The following DACH1 variants were observed in gnomAD, a reference collection of about 807,000 sequenced individuals.
DACH1 encodes the protein dachshund homolog 1.
A neutral mutation model predicts 54.2 loss-of-function variants in DACH1; 12 were observed. The ratio of observed to expected loss-of-function variants is 0.22; its 90% CI spans 0.14 to 0.36. The LOEUF (loss-of-function observed/expected upper bound fraction) is 0.36. Ranked by LOEUF, DACH1 falls within the 10% of genes least tolerant of loss-of-function variation. The pLI is 1.00. For missense variants in DACH1, 805 were observed against 929.8 expected, an observed-to-expected ratio of 0.87 and a Z score of 1.75; for synonymous variants, 386 against 366.2, an observed-to-expected ratio of 1.05 and a Z score of -0.62.
chr13:71,678,233 G>C lies in DACH1; in HGVS notation c.964+3562C>G, dbSNP rs75610888. 3.3e-3 allele frequency among the ~76,000 whole-genome samples: 507 copies of C among 152,264 alleles called. 2 individuals carry two copies. The highest frequency in any genetic ancestry group is 0.012 in the African/African-American group (481 of 41,546). On this transcript the variant is annotated intron_variant, in intron 2 of 10. Coordinates refer to ENST00000613252, the MANE Select transcript of DACH1 (RefSeq NM_080759.6). ...AATACACTAAAGCATTCGGTAGACTGTTGTGGGAGAAAGATGTTATATACT... is the reference window on the plus strand; with the variant it reads ...AATACACTAAAGCATTCGGTAGACTCTTGTGGGAGAAAGATGTTATATACT...
rs769171249 is a variant in DACH1 at position 71,475,771 on chromosome 13, C to A, written c.1949G>T (p.Arg650Leu). 7.7e-5 allele frequency: 125 copies of A among 1,613,566 alleles called. No homozygotes were observed. The Admixed American group carries it at 1.5e-3, about 19-fold the overall frequency. Residue 650 changes from arginine to leucine, a missense_variant, in exon 9 of 11, where the codon CGG becomes CTG. Around this residue, in one of 3 missense-constraint regions of DACH1, gnomAD observed 472 missense variants for 545.3 expected, o/e 0.87. Coordinates refer to ENST00000613252, the MANE Select transcript of DACH1 (RefSeq NM_080759.6). ...TAGCGTCTGTTCTGCTTGTTCACGC[C>A]GTTTCGTCTCAAACTCAAGTGCTTC... ...LQEALEFETK[R>L]REQAEQTLKQ... is the part of the protein sequence containing the mutation.
chr13:71,661,130 T>C (rs930490365), intron 2 of DACH1, among the ~76,000 whole-genome samples: 1 of 151,248 alleles, frequency 6.6e-6, no homozygotes, highest in African/African-American at 2.4e-5. Flanking sequence ...ACAGTAATAC[T>C]AGCTGCTTAA....
intron 2 of DACH1, among the ~76,000 whole-genome samples, chr13:71,643,702 C>T (rs575966840): frequency 6.6e-6 from 1 of 152,136 alleles, no homozygotes; most frequent in African/African-American, 2.4e-5. Context: ...ACCTTTATTG[C>T]CTCAGGCATT....
chr13:71,475,946 G>T, intron 8 of DACH1, 97 bp from the exon 9 acceptor site: 1 of 942,160 alleles, frequency 1.1e-6, no homozygotes, highest in Non-Finnish European at 1.4e-6. Flanking sequence ...TATTCATTTT[G>T]TTTTCCTGCT....
At chr13:71,699,471 G>A (rs182827591) in intron 1 of DACH1, among the ~76,000 whole-genome samples, 8 of 152,298 alleles carry the variant, frequency 5.3e-5, no homozygotes, top group Admixed American at 5.2e-4. Context: ...GAATGACAAA[G>A]AGTAGTATAT....
chr13:71,808,911 A>G (rs568924233), intron 1 of DACH1, among the ~76,000 whole-genome samples: 3 of 152,288 alleles, frequency 2.0e-5, no homozygotes, highest in Non-Finnish European at 2.9e-5. Context: ...AAACCTCACA[A>G]TTAAAAGCTG....
chr13:71,559,329 C>T (rs1884444653), intron 5 of DACH1, among the ~76,000 whole-genome samples: 1 of 152,048 alleles, frequency 6.6e-6, no homozygotes, highest in South Asian at 2.1e-4. Flanking sequence ...AATCCATTGA[C>T]CACCTGAATG....
intron 10 of DACH1, among the ~76,000 whole-genome samples, chr13:71,461,978 T>C (rs780871789): frequency 3.2e-4 from 49 of 151,922 alleles, no homozygotes; most frequent in Non-Finnish European, 6.6e-4. Flanking sequence ...AAGTTAAACA[T>C]AGCACACCTG....
At chr13:71,514,662 T>G (rs1014565098) in intron 6 of DACH1, among the ~76,000 whole-genome samples, 2 of 151,890 alleles carry the variant, frequency 1.3e-5, no homozygotes, top group Admixed American at 6.6e-5. Context: ...CACAAAAACA[T>G]GCATATCCTT....
At chr13:71,533,748 T>C (rs1311437880) in intron 6 of DACH1, among the ~76,000 whole-genome samples, 1 of 150,462 alleles carries the variant, frequency 6.6e-6, no homozygotes, top group Non-Finnish European at 1.5e-5. Context: ...TCTCTCTCTC[T>C]GAGTGTGTGT....
chr13:71,845,456 T>C (rs1411065774), intron 1 of DACH1, among the ~76,000 whole-genome samples: 1 of 152,058 alleles, frequency 6.6e-6, no homozygotes, highest in Non-Finnish European at 1.5e-5. Context: ...GCAAACTAAC[T>C]GGATGGAAGA....
chr13:71,866,865 CGAGGGGG>C lies in DACH1; in HGVS notation c.-103_-97del. ...AGGGGAAAAAAGGGGGGAGAAGGAG[CGAGGGGG>C]GCAACAACAACTCCGGGAGAGAACG... On this transcript the variant is annotated 5_prime_UTR_variant, in exon 1 of 11. Transcript: ENST00000613252. 9.9e-7 allele frequency: 1 copy of C among 1,011,824 alleles called. No individual in the cohort carries two copies. Among genetic ancestry groups the C allele is most frequent in the Non-Finnish European group, 1.3e-6 (1 of 793,558 alleles). 62.7% of individuals were successfully genotyped at this position (1,011,824 alleles called of 1,614,324 possible).
intron 2 of DACH1, among the ~76,000 whole-genome samples, chr13:71,663,323 G>T (rs565252935): frequency 2.6e-4 from 39 of 151,952 alleles, no homozygotes; most frequent in Middle Eastern, 3.4e-3. Flanking sequence ...CTAAACACAG[G>T]CTTCATAAAC....
chr13:71,603,152 TTTTG>T (rs1359879436), intron 3 of DACH1, among the ~76,000 whole-genome samples: 2 of 151,988 alleles, frequency 1.3e-5, no homozygotes, highest in African/African-American at 4.8e-5. Flanking sequence ...ATCGTTGCTT[TTTTG>T]TTTGTTTTGG....
intron 1 of DACH1, among the ~76,000 whole-genome samples, chr13:71,816,090 A>T (rs189521483): frequency 0.012 from 1,816 of 152,254 alleles, 28 homozygotes; most frequent in African/African-American, 0.033. Flanking sequence ...GTCTCCAAAA[A>T]AAAATAAAAT....
At chr13:71,766,604 A>G (rs1158868159) in intron 1 of DACH1, among the ~76,000 whole-genome samples, 1 of 152,188 alleles carries the variant, frequency 6.6e-6, no homozygotes, top group African/African-American at 2.4e-5. Flanking sequence ...AATTGACATG[A>G]CTGGCAGTCA....
At chr13:71,739,045 G>T (rs1884271454) in intron 1 of DACH1, among the ~76,000 whole-genome samples, 1 of 151,962 alleles carries the variant, frequency 6.6e-6, no homozygotes. Context: ...CTGAGGTCAG[G>T]AGTTCAAGAC....
At chr13:71,794,349 A>C (rs1313462483) in intron 1 of DACH1, among the ~76,000 whole-genome samples, 1 of 152,254 alleles carries the variant, frequency 6.6e-6, no homozygotes, top group Non-Finnish European at 1.5e-5. Flanking sequence ...TAGGTGAATT[A>C]ACATGGTGTC....
At chr13:71,753,528 A>G (rs925343544) in intron 1 of DACH1, among the ~76,000 whole-genome samples, 4 of 152,194 alleles carry the variant, frequency 2.6e-5, no homozygotes, top group African/African-American at 9.7e-5. Context: ...ATCGCTTACC[A>G]AGATATATAA....
Sources: gnomAD v4.1 joint callset for allele counts (sites outside exome capture counted in the v4.1 genomes callset) on GRCh38, gnomAD v4.1.1 for gene constraint, gnomAD v4.1.1 regional missense constraint, MANE v1.5 for transcripts, NCBI Gene and HGNC (gene_info 2026-07-23, HGNC 2026-07-21) for gene names.